The following CCDC178 variants were observed in gnomAD, a reference collection of about 807,000 sequenced individuals.
The protein encoded by CCDC178 is coiled-coil domain containing 178.
In CCDC178, 126 loss-of-function variants were observed where a neutral mutation model predicts 117.4. The observed-to-expected ratio is 1.07, with a 90% CI of 0.93 to 1.24. The LOEUF is 1.24. Ranked by LOEUF, CCDC178 falls within the 50% of genes most tolerant of loss-of-function variation. The pLI, the probability that CCDC178 is intolerant of heterozygous loss-of-function variation, is 0.00. For synonymous variants in CCDC178, 283 were observed against 313.4 expected (o/e 0.90, Z 1.02); for missense variants, 1,030 against 986.9 (o/e 1.04, Z -0.59).
chr18:33,418,392 C>T (rs535204246), intron 2 of CCDC178, among the ~76,000 whole-genome samples: 49 of 152,082 alleles, frequency 3.2e-4, no homozygotes, highest in East Asian at 7.7e-4. Flanking sequence ...TCATACTGAA[C>T]GGACAAAAGC....
At chr18:33,245,526 A>T in intron 14 of CCDC178, 98 bp from the exon 15 acceptor site, 1 of 1,187,012 alleles carries the variant, frequency 8.4e-7, no homozygotes, top group Non-Finnish European at 1.1e-6. Flanking sequence ...TTATGTTGTC[A>T]AAAATACAAA....
At chr18:33,323,695 C>A in intron 10 of CCDC178, 62 bp from the exon 11 acceptor site, 5 of 1,019,382 alleles carry the variant, frequency 4.9e-6, no homozygotes, top group Non-Finnish European at 6.7e-6. Context: ...ATAATAACTT[C>A]AACTTAGTGT....
At position 33,013,091 on chromosome 18, in the gene CCDC178, G is replaced by A. The variant is rs182298122; in HGVS notation, c.2389-38410C>T. On this transcript the variant is annotated intron_variant, in intron 21 of 22. Coordinates refer to ENST00000383096, the MANE Select transcript of CCDC178 (RefSeq NM_001105528.4). ...CAATAACACATTTTTCCTTTTATAG[G>A]ATTTCACTTATAATCTCCTAAATAA... Among the ~76,000 whole-genome samples the A allele has an allele frequency of 2.5e-3, 381 of 152,086 alleles. 3 individuals are homozygous for A. Among genetic ancestry groups the A allele is most frequent in the African/African-American group, 9.0e-3 (373 of 41,508 alleles).
intron 11 of CCDC178, among the ~76,000 whole-genome samples, chr18:33,319,320 C>T (rs141591685): frequency 0.028 from 4,268 of 152,002 alleles, 95 homozygotes; most frequent in Non-Finnish European, 0.038. Flanking sequence ...CGATAGTTTG[C>T]GGAGAATGAT....
intron 21 of CCDC178, among the ~76,000 whole-genome samples, chr18:32,984,786 T>A (rs2055227960): frequency 1.3e-5 from 2 of 152,044 alleles, no homozygotes; most frequent in Admixed American, 1.3e-4. Context: ...TAGAATTACA[T>A]GACAGCTAAA....
intron 11 of CCDC178, among the ~76,000 whole-genome samples, chr18:33,321,182 A>G (rs1350402490): frequency 6.6e-6 from 1 of 152,254 alleles, no homozygotes; most frequent in Non-Finnish European, 1.5e-5. Flanking sequence ...AGGCATGGGC[A>G]AGGACTTCAT....
intron 7 of CCDC178, among the ~76,000 whole-genome samples, chr18:33,349,838 AATG>A (rs1422181467): frequency 1.1e-4 from 17 of 151,974 alleles, no homozygotes; most frequent in African/African-American, 3.1e-4. Flanking sequence ...AGAATAGTCT[AATG>A]ATATTTTAAT....
intron 2 of CCDC178, among the ~76,000 whole-genome samples, chr18:33,421,102 G>C (rs2064018678): frequency 1.3e-5 from 2 of 152,166 alleles, no homozygotes; most frequent in Non-Finnish European, 2.9e-5. Context: ...ATAATTAACT[G>C]AAGGAATGTG....
At chr18:33,275,598 AAGAAG>A (rs2059938252) in intron 12 of CCDC178, among the ~76,000 whole-genome samples, 1 of 137,484 alleles carries the variant, frequency 7.3e-6, no homozygotes, top group Admixed American at 7.6e-5. Context: ...AGGGGAAGGG[AAGAAG>A]GGAGGGAGGG....
intron 8 of CCDC178, among the ~76,000 whole-genome samples, chr18:33,346,745 G>A (rs1231088456): frequency 2.6e-5 from 4 of 151,998 alleles, no homozygotes. Context: ...AATCATGCTT[G>A]TGTGTCCTCC....
At chr18:33,203,524 CTTA>C (rs2059016097) in intron 20 of CCDC178, among the ~76,000 whole-genome samples, 1 of 151,998 alleles carries the variant, frequency 6.6e-6, no homozygotes. Flanking sequence ...ACTTCATTAT[CTTA>C]TTATTATTAC....
chr18:33,348,673 C>G (rs920302405), intron 8 of CCDC178, among the ~76,000 whole-genome samples: 4 of 151,874 alleles, frequency 2.6e-5, no homozygotes, highest in Non-Finnish European at 4.4e-5. Flanking sequence ...ATTATACACT[C>G]ATCACCTAAA....
intron 20 of CCDC178, among the ~76,000 whole-genome samples, chr18:33,198,646 T>A (rs548001967): frequency 2.6e-5 from 4 of 152,292 alleles, no homozygotes; most frequent in African/African-American, 9.6e-5. Context: ...AAATTCTTGA[T>A]GATAGACACT....
chr18:33,131,224 A>T (rs939079868), intron 20 of CCDC178, among the ~76,000 whole-genome samples: 1 of 151,952 alleles, frequency 6.6e-6, no homozygotes, highest in African/African-American at 2.4e-5. Flanking sequence ...ACTATCGATT[A>T]CTGTAGGTGC....
intron 10 of CCDC178, among the ~76,000 whole-genome samples, chr18:33,331,828 A>T (rs2062673664): frequency 6.6e-6 from 1 of 152,142 alleles, no homozygotes; most frequent in Non-Finnish European, 1.5e-5. Context: ...TAAAATAGTA[A>T]ATGTGTATAA....
At chr18:32,992,155 A>AT (rs913962148) in intron 21 of CCDC178, among the ~76,000 whole-genome samples, 7 of 151,832 alleles carry the variant, frequency 4.6e-5, no homozygotes, top group Admixed American at 1.3e-4. Flanking sequence ...AATCAAATGC[A>AT]TTTTTTTTAT....
At chr18:33,134,468 T>C (rs1408147040) in intron 20 of CCDC178, among the ~76,000 whole-genome samples, 1 of 152,008 alleles carries the variant, frequency 6.6e-6, no homozygotes, top group African/African-American at 2.4e-5. Context: ...GATCAAGAAA[T>C]TTATTGCAAT....
intron 22 of CCDC178, among the ~76,000 whole-genome samples, chr18:32,962,293 T>C (rs1002848081): frequency 1.3e-5 from 2 of 152,096 alleles, no homozygotes; most frequent in Non-Finnish European, 2.9e-5. Flanking sequence ...TTTTAATAAA[T>C]GAAGACAATA....
chr18:32,999,813 T>C (rs2055595329), intron 21 of CCDC178, among the ~76,000 whole-genome samples: 1 of 152,164 alleles, frequency 6.6e-6, no homozygotes, highest in Non-Finnish European at 1.5e-5. Flanking sequence ...GATATGGCTA[T>C]AGATACCAAA....
Sources: allele counts gnomAD v4.1 joint callset (sites outside exome capture counted in the v4.1 genomes callset), GRCh38; gene constraint gnomAD v4.1.1; transcripts MANE v1.5; gene names NCBI Gene and HGNC (gene_info 2026-07-23, HGNC 2026-07-21).